ALPK2: variants seen among roughly 807,000 people sequenced by gnomAD.
ALPK2 encodes the protein alpha-protein kinase 2.
Under a neutral mutation model 163.1 loss-of-function variants are expected in ALPK2, and 127 were observed. That is an observed-to-expected ratio of 0.78 (90% CI 0.67 to 0.90). The LOEUF is 0.90. Ranked by LOEUF, ALPK2 falls within the 40% of genes least tolerant of loss-of-function variation. The pLI is 0.00. For synonymous variants in ALPK2, 953 were observed against 959.1 expected (o/e 0.99, Z 0.12); for missense variants, 2,360 against 2,589.6 (o/e 0.91, Z 1.92).
intron 11 of ALPK2, among the ~76,000 whole-genome samples, chr18:58,501,220 T>C (rs542049424): frequency 1.3e-5 from 2 of 152,386 alleles, no homozygotes; most frequent in South Asian, 4.1e-4. Flanking sequence ...TACTGTTGTT[T>C]ACTAGTACCT....
rs1043484388 is a variant in ALPK2 at position 58,579,367 on chromosome 18, C to T, written c.1409G>A (p.Arg470Lys). 6.2e-6 allele frequency: 10 copies of T among 1,614,058 alleles called. No individual in the cohort carries two copies. The highest frequency in any genetic ancestry group is 8.5e-6 in the Non-Finnish European group (10 of 1,180,036). The change falls in exon 4 of 13, where the codon AGA becomes AAA. Residue 470 changes from arginine (R) to lysine (K), a missense_variant. Coordinates refer to ENST00000361673, the MANE Select transcript of ALPK2 (RefSeq NM_052947.4). ...NDYPGIQGET[R>K]DSHQAREEFA... ...TTCCTCTCTTGCTTGGTGGCTGTCT[C>T]TGGTTTCTCCTTGAATTCCTGGATA...
intron 4 of ALPK2, chr18:58,577,812 A>C (rs947461616): frequency 3.9e-5 from 6 of 152,242 alleles, no homozygotes; most frequent in African/African-American, 1.4e-4. Context: ...ATTTTCACAG[A>C]GTTAAGTCAC....
At chr18:58,625,749 A>C (rs1362331446) in intron 1 of ALPK2, among the ~76,000 whole-genome samples, 1 of 152,222 alleles carries the variant, frequency 6.6e-6, no homozygotes, top group East Asian at 1.9e-4. Flanking sequence ...GGACATGAGG[A>C]TTGCAGTGGA....
intron 10 of ALPK2, among the ~76,000 whole-genome samples, chr18:58,510,768 G>T (rs2051486069): frequency 6.6e-6 from 1 of 151,802 alleles, no homozygotes. Context: ...TTGCTTATCA[G>T]CTTAAGGAGA....
intron 4 of ALPK2, among the ~76,000 whole-genome samples, chr18:58,565,800 T>C (rs2144181834): frequency 6.6e-6 from 1 of 152,108 alleles, no homozygotes; most frequent in African/African-American, 2.4e-5. Flanking sequence ...CCTTTCTTCC[T>C]TTCTTTCTCT....
At chr18:58,496,774 T>C (rs999022388) in intron 12 of ALPK2, among the ~76,000 whole-genome samples, 3 of 152,174 alleles carry the variant, frequency 2.0e-5, no homozygotes, top group African/African-American at 7.2e-5. Context: ...GGAGAGACTT[T>C]ACTCCTCTCA....
chr18:58,536,994 T>C lies in ALPK2; in HGVS notation c.3193A>G (p.Thr1065Ala), dbSNP rs778630334. The C allele has an allele frequency of 1.9e-6, 3 of 1,614,162 alleles. No homozygotes were observed. In the Admixed American group the frequency reaches 5.0e-5, roughly 27 times the overall value. The part of the protein sequence containing the change: ...VQLDHILSGA[T>A]IKSTKELLCR... Reference sequence around the variant, plus strand: ...AGTAGCTCTTTTGTAGATTTGATGGTAGCACCACTTAAAATATGATCCAAC... The same window carrying C: ...AGTAGCTCTTTTGTAGATTTGATGGCAGCACCACTTAAAATATGATCCAAC... Residue 1065 changes from threonine to alanine, a missense_variant, in exon 5 of 13, where the codon ACC becomes GCC. Transcript: ENST00000361673.
chr18:58,598,885 C>A (rs2052054797), intron 3 of ALPK2, among the ~76,000 whole-genome samples: 2 of 152,220 alleles, frequency 1.3e-5, no homozygotes, highest in Non-Finnish European at 2.9e-5. Flanking sequence ...TGTGCCTGGT[C>A]TGCTCAGTTC....
chr18:58,516,378 T>G (rs562254701), intron 9 of ALPK2, among the ~76,000 whole-genome samples: 31 of 152,344 alleles, frequency 2.0e-4, no homozygotes, highest in African/African-American at 7.2e-4. Context: ...GCTAGAGACT[T>G]GGGTCTGTCT....
intron 11 of ALPK2, among the ~76,000 whole-genome samples, chr18:58,500,855 G>T (rs938926996): frequency 2.0e-5 from 3 of 151,958 alleles, no homozygotes; most frequent in Non-Finnish European, 4.4e-5. Flanking sequence ...AGAAGGCGTG[G>T]TAGTCTCACC....
chr18:58,537,832 G>A lies in ALPK2; in HGVS notation c.2355C>T (p.Ala785=). 6.2e-7 allele frequency: 1 copy of A among 1,614,092 alleles called. No individual in the cohort carries two copies. Among genetic ancestry groups the A allele is most frequent in the Non-Finnish European group, 8.5e-7 (1 of 1,180,022 alleles). The change falls in exon 5 of 13, where the codon GCC becomes GCT. Residue 785 remains alanine, a synonymous_variant. Transcript: ENST00000361673. The stretch of plus-strand genomic sequence containing the variant: ...CATCACACACATTTTCCAGGGTGAG[G>A]GCAGTATCTGTGGGTTCAGGGGAAG... The part of the protein sequence containing the change: ...SVASPEPTDT[A]LTLENVCDEP...
chr18:58,621,157 C>CA (rs76747932), intron 1 of ALPK2, among the ~76,000 whole-genome samples: 928 of 77,076 alleles, frequency 0.012, 5 homozygotes, highest in Admixed American at 0.018. Context: ...TGTCTCAAAA[C>CA]AAAAAAAAAA....
In ALPK2 at chr18:58,516,956, G is replaced by C; in HGVS notation, c.5892C>G (p.Thr1964=). 1 of 1,614,158 alleles carries C rather than the reference G, an allele frequency of 6.2e-7. No homozygotes were observed. Among genetic ancestry groups the C allele is most frequent in the Non-Finnish European group, 8.5e-7 (1 of 1,180,006 alleles). ...LKVHNAIAYG[T]RNNDELIQRN... The stretch of plus-strand genomic sequence containing the variant: ...TTTGGATGAGCTCATCATTATTTCT[G>C]GTCCCATAGGCAATGGCATTGTGCA... The change falls in exon 9 of 13, where the codon ACC becomes ACG. Residue 1964 remains threonine (T), a synonymous_variant. Transcript: ENST00000361673.
chr18:58,626,507 C>T (rs1324045380), intron 1 of ALPK2, among the ~76,000 whole-genome samples: 2 of 151,934 alleles, frequency 1.3e-5, no homozygotes, highest in Non-Finnish European at 2.9e-5. Flanking sequence ...AAAGGCTGGG[C>T]GTGTGCCTTC....
rs1387565327 is a variant in ALPK2, at chr18:58,579,423, G to A, written c.1353C>T (p.Leu451=). The change falls in exon 4 of 13, where the codon CTC becomes CTT. Residue 451 remains leucine, a synonymous_variant. Coordinates refer to ENST00000361673, the MANE Select transcript of ALPK2 (RefSeq NM_052947.4). The part of the protein sequence containing the change: ...SSVTEQGRYK[L]PTAPEAAEND... ...TTTCAGCAGCCTCGGGAGCAGTGGG[G>A]AGTTTATATCTCCCCTGTTCTGTCA... 1 of 1,614,148 alleles carries A rather than the reference G, an allele frequency of 6.2e-7. No individual in the cohort carries two copies. Among genetic ancestry groups the A allele is most frequent in the Non-Finnish European group, 8.5e-7 (1 of 1,180,028 alleles).
chr18:58,484,609 T>G (rs1011176050), intron 12 of ALPK2, among the ~76,000 whole-genome samples: 7 of 152,186 alleles, frequency 4.6e-5, no homozygotes, highest in Admixed American at 2.0e-4. Flanking sequence ...CTGGGTGTGG[T>G]GGCATGCGCC....
At chr18:58,509,519 G>A (rs1336744529) in intron 10 of ALPK2, among the ~76,000 whole-genome samples, 12 of 152,036 alleles carry the variant, frequency 7.9e-5, no homozygotes, top group East Asian at 3.9e-4. Context: ...AAGTGTTCCT[G>A]TTTCTCCACA....
At chr18:58,482,594 A>T (rs1320342927) in intron 12 of ALPK2, among the ~76,000 whole-genome samples, 1 of 152,222 alleles carries the variant, frequency 6.6e-6, no homozygotes, top group Non-Finnish European at 1.5e-5. Context: ...TTTCTCCTAC[A>T]GCAGAGCTCA....
At chr18:58,614,278 A>G (rs185045745) in intron 1 of ALPK2, among the ~76,000 whole-genome samples, 1 of 152,370 alleles carries the variant, frequency 6.6e-6, no homozygotes, top group Admixed American at 6.5e-5. Flanking sequence ...AGACTGAGCA[A>G]GAGAGGCTGA....
Sources: allele counts gnomAD v4.1 joint callset (sites outside exome capture counted in the v4.1 genomes callset), GRCh38; gene constraint gnomAD v4.1.1; transcripts MANE v1.5; gene names NCBI Gene and HGNC (gene_info 2026-07-23, HGNC 2026-07-21).